The following SIK2 variants were observed in gnomAD, a reference collection of about 807,000 sequenced individuals.
SIK2 encodes the protein serine/threonine-protein kinase SIK2.
Under a neutral mutation model 103.2 loss-of-function variants are expected in SIK2, and 29 were observed. The observed-to-expected ratio is 0.28, with a 90% CI of 0.21 to 0.38. The LOEUF (loss-of-function observed/expected upper bound fraction) is 0.38. SIK2 is among the 10% of genes least tolerant of loss of function. The probability of loss-of-function intolerance (pLI) is 1.00; values close to 1 mark genes in which losing one functional copy is unlikely to be tolerated. For missense variants in SIK2, 879 were observed against 1,171.0 expected (o/e 0.75, Z 3.64); for synonymous variants, 412 against 446.1 (o/e 0.92, Z 0.96).
At chr11:111,680,851 C>CT (rs1942767921) in intron 3 of SIK2, among the ~76,000 whole-genome samples, 1 of 152,216 alleles carries the variant, frequency 6.6e-6, no homozygotes, top group Non-Finnish European at 1.5e-5. Flanking sequence ...TAAGTGCAGA[C>CT]TGAAAGCATT....
In SIK2 at chr11:111,602,472, A is replaced by T. The variant is rs867714785; in HGVS notation, c.-92A>T. 1.5e-6 allele frequency: 2 copies of T among 1,314,536 alleles called. No individual in the cohort carries two copies. Among genetic ancestry groups the T allele is most frequent in the Non-Finnish European group, 2.0e-6 (2 of 1,015,440 alleles). The allele number at this position is 1,314,536 out of a possible 1,614,324, so 81.4% of individuals were successfully genotyped here. ...GGAAGGAGCGAAGGAGCGAAGGAGC[A>T]AGCGGAGCGGCCGTCGCCCAAGCCA... On this transcript the variant is annotated 5_prime_UTR_variant, in exon 1 of 15. Transcript: ENST00000304987. The surrounding 1 kb of genome is among the most constrained non-coding windows in gnomAD (Gnocchi z 4.5).
At chr11:111,621,133 A>G (rs994337130) in intron 3 of SIK2, among the ~76,000 whole-genome samples, 2 of 152,232 alleles carry the variant, frequency 1.3e-5, no homozygotes, top group East Asian at 1.9e-4. Context: ...AATGCGTACA[A>G]TTTAATGTTT....
intron 3 of SIK2, among the ~76,000 whole-genome samples, chr11:111,629,551 C>T (rs774196983): frequency 6.6e-5 from 10 of 152,128 alleles, no homozygotes; most frequent in Admixed American, 5.2e-4. Flanking sequence ...GAGATAATAT[C>T]AGGACAGTTA....
intron 7 of SIK2, among the ~76,000 whole-genome samples, chr11:111,704,078 G>C (rs1053176927): frequency 1.3e-5 from 2 of 152,208 alleles, no homozygotes; most frequent in African/African-American, 4.8e-5. Context: ...ATGCCGCCTT[G>C]TTTGCTGTGA....
Position 111,727,133 on chromosome 11 carries a change from C to G in SIK2, c.*3004C>G. The stretch of plus-strand genomic sequence containing the variant: ...ACATTCCCGGTGACACTGACCGTCC[C>G]CAGCTGCCCCCTCGCCACCTCTGCC... On this transcript the variant is annotated 3_prime_UTR_variant, in exon 15 of 15. Coordinates refer to ENST00000304987, the MANE Select transcript of SIK2 (RefSeq NM_015191.3). 7.7e-7 allele frequency: 1 copy of G among 1,294,824 alleles called. No homozygotes were observed. The highest frequency in any genetic ancestry group is 1.1e-6 in the Non-Finnish European group (1 of 897,540). The allele number at this position is 1,294,824 out of a possible 1,614,324, so 80.2% of individuals were successfully genotyped here. A position where few individuals can be genotyped will look rare whatever the true frequency, so the allele number is the denominator to read the frequency against.
intron 1 of SIK2, among the ~76,000 whole-genome samples, chr11:111,609,904 A>G (rs1941697705): frequency 6.6e-6 from 1 of 152,240 alleles, no homozygotes; most frequent in Non-Finnish European, 1.5e-5. Context: ...AATGTATGGT[A>G]TGATAGAGCT....
chr11:111,686,286 C>G (rs1027612892), intron 3 of SIK2, among the ~76,000 whole-genome samples: 3 of 152,170 alleles, frequency 2.0e-5, no homozygotes, highest in Admixed American at 1.3e-4. Context: ...ACTACAAATA[C>G]AAAATTTAGC....
rs1488611227 is a variant in SIK2 at position 111,659,199 on chromosome 11, C to T, written c.317-28802C>T. ...TCTTTAGTCTCTTATCTGTTATTGT[C>T]GGTGCCTTTTAATTTTGCAATTTTA... On this transcript the variant is annotated intron_variant, in intron 3 of 14. Transcript: ENST00000304987. Among the ~76,000 whole-genome samples the T allele has an allele frequency of 3.3e-5, 5 of 152,122 alleles. No homozygotes were observed. The South Asian group carries it at 6.2e-4, about 19-fold the overall frequency.
At chr11:111,703,869 A>G (rs1943274004) in intron 7 of SIK2, among the ~76,000 whole-genome samples, 1 of 152,170 alleles carries the variant, frequency 6.6e-6, no homozygotes, top group Non-Finnish European at 1.5e-5. Context: ...GAAGGCAAAA[A>G]CAGGTGGGCT....
intron 1 of SIK2, among the ~76,000 whole-genome samples, chr11:111,608,070 G>A (rs1000204960): frequency 5.9e-5 from 9 of 152,086 alleles, no homozygotes; most frequent in Non-Finnish European, 7.4e-5. Flanking sequence ...CGTTCTTTCC[G>A]CTTTAATGTA....
rs1447508681 is a variant in SIK2, at chr11:111,720,981, T to C, written c.1863T>C (p.Tyr621=). The change falls in exon 12 of 15, where the codon TAT becomes TAC. Residue 621 remains tyrosine (Y), a synonymous_variant. Coordinates refer to ENST00000304987, the MANE Select transcript of SIK2 (RefSeq NM_015191.3). Reference sequence around the variant, plus strand: ...AGTTGAACAAAGTGCAGTTGTTGTATGAACAAATAGGACCGGAGGCAGACC... The same window carrying C: ...AGTTGAACAAAGTGCAGTTGTTGTACGAACAAATAGGACCGGAGGCAGACC... ...ILELNKVQLL[Y]EQIGPEADPN... The C allele has an allele frequency of 6.2e-7, 1 of 1,614,220 alleles. No individual in the cohort carries two copies. Among genetic ancestry groups the C allele is most frequent in the African/African-American group, 1.3e-5 (1 of 75,050 alleles).
intron 3 of SIK2, among the ~76,000 whole-genome samples, chr11:111,657,690 G>A (rs554753419): frequency 6.6e-6 from 1 of 152,270 alleles, no homozygotes; most frequent in South Asian, 2.1e-4. Flanking sequence ...TGCCTGGCCA[G>A]AGTAGAAGTA....
chr11:111,718,206 TATTC>T (rs1388806585), intron 9 of SIK2, among the ~76,000 whole-genome samples: 1 of 152,270 alleles, frequency 6.6e-6, no homozygotes, highest in Non-Finnish European at 1.5e-5. Context: ...TCTGTTGGCT[TATTC>T]ATTTCTAAAC....
intron 3 of SIK2, among the ~76,000 whole-genome samples, chr11:111,685,859 A>G (rs1010777466): frequency 1.3e-5 from 2 of 152,136 alleles, no homozygotes; most frequent in Non-Finnish European, 2.9e-5. Flanking sequence ...CTAAAAAATA[A>G]ATAAACAAAT....
intron 4 of SIK2, among the ~76,000 whole-genome samples, chr11:111,694,456 G>A (rs1012702871): frequency 6.6e-6 from 1 of 152,022 alleles, no homozygotes; most frequent in African/African-American, 2.4e-5. Context: ...CTGATTTGAG[G>A]CAGTGGCCCA....
At chr11:111,614,593 T>C (rs897373939) in intron 1 of SIK2, among the ~76,000 whole-genome samples, 9 of 151,880 alleles carry the variant, frequency 5.9e-5, no homozygotes, top group Admixed American at 5.9e-4. Context: ...AAGGTCTCCA[T>C]CCTCATTATC....
At chr11:111,702,997 C>T (rs528660107) in intron 6 of SIK2, among the ~76,000 whole-genome samples, 13 of 152,260 alleles carry the variant, frequency 8.5e-5, no homozygotes, top group African/African-American at 3.1e-4. Flanking sequence ...TAGACCTACA[C>T]CCTCCTGTTT....
chr11:111,709,653 G>T (rs1415092536), intron 8 of SIK2, among the ~76,000 whole-genome samples: 2 of 152,192 alleles, frequency 1.3e-5, no homozygotes, highest in East Asian at 3.8e-4. Flanking sequence ...CTAATCAACT[G>T]TGTAATGCTG....
chr11:111,623,574 A>T (rs1055716592), intron 3 of SIK2, among the ~76,000 whole-genome samples: 1 of 152,234 alleles, frequency 6.6e-6, no homozygotes, highest in African/African-American at 2.4e-5. Flanking sequence ...TAATTGAAAC[A>T]GTGCTCAGTC....
Sources: allele counts gnomAD v4.1 joint callset (sites outside exome capture counted in the v4.1 genomes callset), GRCh38; gene constraint gnomAD v4.1.1; non-coding constraint Gnocchi (gnomAD v3.1); transcripts MANE v1.5; gene names NCBI Gene and HGNC (gene_info 2026-07-23, HGNC 2026-07-21).